Variants in SLC35D2 observed in about 807,000 individuals in gnomAD.
SLC35D2 encodes the protein solute carrier family 35 member D2, also known as nucleotide sugar transporter SLC35D2.
Under a neutral mutation model 41.8 loss-of-function variants are expected in SLC35D2, and 43 were observed. That is an observed-to-expected ratio of 1.03 (90% CI 0.81 to 1.33). SLC35D2 has a LOEUF of 1.33. Ranked by LOEUF, SLC35D2 falls within the 40% of genes most tolerant of loss-of-function variation. The pLI is 0.00. For synonymous variants in SLC35D2, 150 were observed against 163.9 expected, an observed-to-expected ratio of 0.92 and a Z score of 0.65; for missense variants, 380 against 408.4, an observed-to-expected ratio of 0.93 and a Z score of 0.60.
rs1412387360 is a variant in SLC35D2, at chr9:96,345,413, A to ATTCT, written c.489-13_489-12insAGAA. 7 of 1,437,550 alleles carry ATTCT rather than the reference A, an allele frequency of 4.9e-6. No individual in the cohort carries two copies. The highest frequency in any genetic ancestry group is 5.9e-6 in the Non-Finnish European group (6 of 1,023,752). 89.0% of individuals were successfully genotyped at this position (1,437,550 alleles called of 1,614,324 possible). On this transcript the variant is annotated splice_polypyrimidine_tract_variant and intron_variant, in intron 6 of 11. Coordinates refer to ENST00000253270, the MANE Select transcript of SLC35D2 (RefSeq NM_007001.3). ...AAGCAAGGTCAGACCTGGGAGGGAGACCACAAAGGGAGAATGATTACTCAA... is the reference window on the plus strand; with the variant it reads ...AAGCAAGGTCAGACCTGGGAGGGAGATTCTCCACAAAGGGAGAATGATTACTCAA...
intron 6 of SLC35D2, among the ~76,000 whole-genome samples, chr9:96,347,320 C>T (rs1313224442): frequency 6.6e-6 from 1 of 152,128 alleles, no homozygotes; most frequent in Non-Finnish European, 1.5e-5. Context: ...ACCAAGAGTT[C>T]CCAGCAGCGC....
intron 9 of SLC35D2, among the ~76,000 whole-genome samples, chr9:96,325,842 C>A (rs573732838): frequency 6.6e-6 from 1 of 152,244 alleles, no homozygotes; most frequent in South Asian, 2.1e-4. Flanking sequence ...CGGTCTTGGT[C>A]CTAGGCTCAA....
intron 1 of SLC35D2, among the ~76,000 whole-genome samples, chr9:96,368,889 C>T (rs556634081): frequency 2.7e-4 from 41 of 152,008 alleles, no homozygotes; most frequent in African/African-American, 9.9e-4. Context: ...CTCAGCCTCC[C>T]GAGTAGCTGG....
At chr9:96,319,594 C>G (rs568698541), downstream of SLC35D2, among the ~76,000 whole-genome samples, 1 of 152,170 alleles carries the variant, frequency 6.6e-6, no homozygotes, top group Non-Finnish European at 1.5e-5. Flanking sequence ...CAGCCTCAAC[C>G]TCCCAGGCTC....
chr9:96,383,656 C>T lies in SLC35D2; in HGVS notation c.-22G>A. On this transcript the variant is annotated 5_prime_UTR_variant, in exon 1 of 12. Coordinates refer to ENST00000253270, the MANE Select transcript of SLC35D2 (RefSeq NM_007001.3). ...TCATCTCCTGCGGCCCCGCGGACCCCGCCGCCCGCCAGCCCCGGCTGCGCA... is the reference window on the plus strand; with the variant it reads ...TCATCTCCTGCGGCCCCGCGGACCCTGCCGCCCGCCAGCCCCGGCTGCGCA... 9.8e-7 allele frequency: 1 copy of T among 1,019,188 alleles called. No individual in the cohort carries two copies. Among genetic ancestry groups the T allele is most frequent in the East Asian group, 1.0e-4 (1 of 10,024 alleles). 63.1% of individuals were successfully genotyped at this position (1,019,188 alleles called of 1,614,324 possible). A position where few individuals can be genotyped will look rare whatever the true frequency, so the allele number is the denominator to read the frequency against.
intron 8 of SLC35D2, 23 bp from the exon 9 acceptor site, chr9:96,336,807 T>G: frequency 7.3e-7 from 1 of 1,371,416 alleles, no homozygotes; most frequent in South Asian, 1.2e-5. Context: ...AGAAAAAAAC[T>G]AATGATTAGG....
chr9:96,375,624 G>A (rs1037087064), intron 1 of SLC35D2, among the ~76,000 whole-genome samples: 3 of 151,814 alleles, frequency 2.0e-5, no homozygotes, highest in Non-Finnish European at 4.4e-5. Context: ...AATTATTATT[G>A]TCTTCTTTGC....
At chr9:96,323,295 C>T (rs1346099206) in intron 10 of SLC35D2, among the ~76,000 whole-genome samples, 1 of 151,966 alleles carries the variant, frequency 6.6e-6, no homozygotes, top group Non-Finnish European at 1.5e-5. Context: ...ATCCAGAACA[C>T]CTCTCCCCCT....
chr9:96,332,481 A>G (rs1828850442), intron 9 of SLC35D2, among the ~76,000 whole-genome samples: 1 of 152,158 alleles, frequency 6.6e-6, no homozygotes, highest in Admixed American at 6.5e-5. Context: ...TTACCATTAA[A>G]GGTAAAGTTC....
chr9:96,338,079 CA>C (rs907697798), intron 8 of SLC35D2, among the ~76,000 whole-genome samples: 1 of 149,764 alleles, frequency 6.7e-6, no homozygotes, highest in Non-Finnish European at 1.5e-5. Flanking sequence ...TGACAGGTGA[CA>C]ATAAGGAGTA....
intron 9 of SLC35D2, among the ~76,000 whole-genome samples, chr9:96,333,135 G>A (rs1254175573): frequency 6.8e-6 from 1 of 147,956 alleles, no homozygotes; most frequent in Non-Finnish European, 1.5e-5. Flanking sequence ...CTGACCTCAT[G>A]ATCTGCCCAC....
intron 11 of SLC35D2, among the ~76,000 whole-genome samples, chr9:96,315,341 C>G (rs906347090): frequency 6.6e-6 from 1 of 151,974 alleles, no homozygotes; most frequent in African/African-American, 2.4e-5. Context: ...AGGCTGTTCT[C>G]AAACTCCTGG....
intron 1 of SLC35D2, among the ~76,000 whole-genome samples, chr9:96,379,743 T>C (rs917925751): frequency 2.0e-5 from 3 of 152,186 alleles, no homozygotes; most frequent in African/African-American, 7.2e-5. Flanking sequence ...ATGAACAATG[T>C]TATGTGAACA....
At chr9:96,336,536 C>G (rs1316588209) in intron 9 of SLC35D2, among the ~76,000 whole-genome samples, 181 bp downstream of exon 9, 1 of 152,192 alleles carries the variant, frequency 6.6e-6, no homozygotes, top group African/African-American at 2.4e-5. Context: ...TGTTCCTGGT[C>G]TTTCAGGCTG....
At chr9:96,315,866 T>A (rs1214148414), downstream of SLC35D2, among the ~76,000 whole-genome samples, 3 of 152,188 alleles carry the variant, frequency 2.0e-5, no homozygotes, top group Non-Finnish European at 4.4e-5. Flanking sequence ...AAAAACCAGA[T>A]ACACACTATT....
chr9:96,336,715 AC>A lies in SLC35D2; in HGVS notation c.752+1del. 1 of 1,558,592 alleles carries A rather than the reference AC, an allele frequency of 6.4e-7. No homozygotes were observed. Among genetic ancestry groups the A allele is most frequent in the Non-Finnish European group, 8.8e-7 (1 of 1,136,712 alleles). On this transcript the variant is annotated splice_donor_variant, in intron 9 of 11. Coordinates refer to ENST00000253270, the MANE Select transcript of SLC35D2 (RefSeq NM_007001.3). LOFTEE classifies it high-confidence loss of function. ...TGCTTCTACTTATCTATGGTTTCTTACCCCAAAAAACAGGAAAGAAGAAACT... is the reference window on the plus strand; with the variant it reads ...TGCTTCTACTTATCTATGGTTTCTTACCCAAAAAACAGGAAAGAAGAAACT...
At chr9:96,376,201 A>G (rs1251828049) in intron 1 of SLC35D2, among the ~76,000 whole-genome samples, 1 of 151,048 alleles carries the variant, frequency 6.6e-6, no homozygotes, top group African/African-American at 2.4e-5. Context: ...AGGCTGAGGC[A>G]GGAGAATTGC....
In SLC35D2 at chr9:96,360,647, A is replaced by AAG. The variant is rs1554715869; in HGVS notation, c.280-427_280-426insCT. ...TCATCTCAAAAAAAAAAAAAAAAAA[A>AAG]AAAAAAAGAAAAGGTGCGCCTTCTC... On this transcript the variant is annotated intron_variant, in intron 3 of 11. Coordinates refer to ENST00000253270, the MANE Select transcript of SLC35D2 (RefSeq NM_007001.3). Among the ~76,000 whole-genome samples the AAG allele has an allele frequency of 2.9e-4, 43 of 146,680 alleles. 1 individual carries two copies. The highest frequency in any genetic ancestry group is 2.8e-3 in the South Asian group (13 of 4,672).
chr9:96,353,605 C>T (rs1829902585), intron 4 of SLC35D2, among the ~76,000 whole-genome samples: 1 of 152,172 alleles, frequency 6.6e-6, no homozygotes, highest in Non-Finnish European at 1.5e-5. Flanking sequence ...CTCAGCCTCC[C>T]AAAGTGCTGG....
Sources: gnomAD v4.1 joint callset for allele counts (sites outside exome capture counted in the v4.1 genomes callset) on GRCh38, gnomAD v4.1.1 for gene constraint, MANE v1.5 for transcripts, NCBI Gene and HGNC (gene_info 2026-07-23, HGNC 2026-07-21) for gene names.